SEMA4D: variants seen among roughly 807,000 people sequenced by gnomAD.
SEMA4D encodes semaphorin-4D.
A neutral mutation model predicts 74.8 loss-of-function variants in SEMA4D; 22 were observed. The ratio of observed to expected loss-of-function variants is 0.29; its 90% confidence interval spans 0.21 to 0.42. SEMA4D has a LOEUF of 0.42. SEMA4D is among the 10% of genes least tolerant of loss of function. SEMA4D has a pLI of 1.00. For synonymous variants in SEMA4D, 445 were observed against 463.7 expected (o/e 0.96, Z 0.52); for missense variants, 937 against 1,118.4 (o/e 0.84, Z 2.31).
rs1046914502 is a variant in SEMA4D, at chr9:89,382,769, C to T, written c.1447-1423G>A. ...AGGGACAGCTGGTCCTGTTGGGTCC[C>T]GCGGGGGGCACCTGCGAGGTGGCGT... is the stretch of plus-strand genomic sequence containing the variant. On this transcript the variant is annotated intron_variant, in intron 13 of 15. Transcript: ENST00000422704. 5.9e-5 allele frequency among the ~76,000 whole-genome samples: 9 copies of T among 152,310 alleles called. No homozygotes were observed. In the South Asian group the frequency reaches 8.3e-4, roughly 14 times the overall value.
intron 16 of SEMA4D, among the ~76,000 whole-genome samples, chr9:89,371,986 G>T (rs201853387): frequency 5.1e-4 from 27 of 52,854 alleles, no homozygotes; most frequent in African/African-American, 2.2e-3. Context: ...GTGTGTCTGG[G>T]GTGTGGTGTG....
At chr9:89,482,004 C>T (rs1824748654) in intron 1 of SEMA4D, among the ~76,000 whole-genome samples, 1 of 152,254 alleles carries the variant, frequency 6.6e-6, no homozygotes, top group Admixed American at 6.5e-5. Context: ...TGTCGATGAC[C>T]TTCCCTTGAC....
intron 16 of SEMA4D, among the ~76,000 whole-genome samples, chr9:89,366,334 TATAAC>T (rs1158736546): frequency 5.9e-5 from 9 of 152,148 alleles, no homozygotes; most frequent in South Asian, 2.1e-4. Flanking sequence ...TTTCCAAACT[TATAAC>T]AAACAAGCAT....
intron 1 of SEMA4D, among the ~76,000 whole-genome samples, chr9:89,494,104 A>C (rs1825825906): frequency 6.6e-6 from 1 of 152,238 alleles, no homozygotes; most frequent in Admixed American, 6.5e-5. Flanking sequence ...ATCTGTTATT[A>C]AGACGTGTAG....
At chr9:89,465,018 C>A (rs1858312944) in intron 1 of SEMA4D, among the ~76,000 whole-genome samples, 1 of 152,210 alleles carries the variant, frequency 6.6e-6, no homozygotes, top group Non-Finnish European at 1.5e-5. Flanking sequence ...TTACAAAGCA[C>A]TGAGCACACA....
intron 1 of SEMA4D, among the ~76,000 whole-genome samples, chr9:89,491,724 G>T (rs1331359943): frequency 1.3e-5 from 2 of 152,202 alleles, no homozygotes; most frequent in African/African-American, 4.8e-5. Context: ...CCAGCGTTCA[G>T]TCCATGTGGA....
In SEMA4D at chr9:89,378,939, C is replaced by A. The variant is rs767889448; in HGVS notation, c.2354G>T (p.Arg785Leu). The A allele has an allele frequency of 6.2e-7, 1 of 1,614,188 alleles. No homozygotes were observed. Among genetic ancestry groups the A allele is most frequent in the Non-Finnish European group, 8.5e-7 (1 of 1,180,022 alleles). Reference protein sequence around the residue: ...KKKPKSDFCDREQSLKETLVE... With the variant: ...KKKPKSDFCDLEQSLKETLVE... ...TAACGTCTCCTTCAGGCTCTGCTCACGGTCACAGAAATCTGACTTGGGCTT... is the reference window on the plus strand; with the variant it reads ...TAACGTCTCCTTCAGGCTCTGCTCAAGGTCACAGAAATCTGACTTGGGCTT... Residue 785 changes from arginine to leucine, a missense_variant, in exon 16 of 16, where the codon CGT becomes CTT. Arg to Leu is a moderately radical substitution (Grantham distance 102). Transcript: ENST00000422704.
chr9:89,487,970 G>A (rs1364147459), intron 1 of SEMA4D, among the ~76,000 whole-genome samples: 1 of 152,162 alleles, frequency 6.6e-6, no homozygotes. Context: ...ATCCAAGCAG[G>A]CTTGCTGTAG....
chr9:89,409,410 G>A (rs1293141991), intron 2 of SEMA4D, among the ~76,000 whole-genome samples: 1 of 152,096 alleles, frequency 6.6e-6, no homozygotes, highest in Non-Finnish European at 1.5e-5. Flanking sequence ...TACAGATGTC[G>A]GGTGATAAGG....
chr9:89,485,031 A>T (rs13289929), intron 1 of SEMA4D, among the ~76,000 whole-genome samples: 28,587 of 151,586 alleles, frequency 0.19, 2,899 homozygotes, highest in East Asian at 0.32. Flanking sequence ...ACATTTTTCA[A>T]CCTTTTCCTT....
chr9:89,474,251 G>A lies in SEMA4D; in HGVS notation c.-309-18298C>T, dbSNP rs115748575. Among the ~76,000 whole-genome samples, 444 of 152,286 alleles carry A rather than the reference G, an allele frequency of 2.9e-3. 2 individuals carry two copies. Among genetic ancestry groups the A allele is most frequent in the African/African-American group, 9.8e-3 (409 of 41,550 alleles). ...TAAACCCCGAAGATAAACACAGCCT[G>A]ACTCATTTACCCAGCCCTGTGCATC... On this transcript the variant is annotated intron_variant, in intron 1 of 15. Coordinates refer to ENST00000422704, the MANE Select transcript of SEMA4D (RefSeq NM_001371194.2).
intron 2 of SEMA4D, among the ~76,000 whole-genome samples, chr9:89,432,271 C>A (rs890571833): frequency 6.6e-6 from 1 of 152,218 alleles, no homozygotes; most frequent in Non-Finnish European, 1.5e-5. Flanking sequence ...TATAAGTGTA[C>A]TACCACAGAA....
In SEMA4D at chr9:89,484,988, T is replaced by TTGTGTGTGTG. The variant is rs111818272; in HGVS notation, c.-310+12921_-310+12930dup. Among the ~76,000 whole-genome samples the TTGTGTGTGTG allele has an allele frequency of 6.7e-6, 1 of 149,724 alleles. No individual in the cohort carries two copies. Among genetic ancestry groups the TTGTGTGTGTG allele is most frequent in the African/African-American group, 2.5e-5 (1 of 40,604 alleles). ...GGTGGAGGCATATGTGTGTAGTATG[T>TTGTGTGTGTG]TGTGTGTGTGTGTGTGTGTGTGTTC... is the stretch of plus-strand genomic sequence containing the variant. On this transcript the variant is annotated intron_variant, in intron 1 of 15. Coordinates refer to ENST00000422704, the MANE Select transcript of SEMA4D (RefSeq NM_001371194.2). This position sits in a 1 kb window ranked among gnomAD's most constrained non-coding sequence, Gnocchi z 4.1.
At chr9:89,406,399 G>A (rs1843335726) in intron 2 of SEMA4D, among the ~76,000 whole-genome samples, 1 of 152,204 alleles carries the variant, frequency 6.6e-6, no homozygotes, top group Non-Finnish European at 1.5e-5. Context: ...ACAGCCCTTA[G>A]TAAAAGAACA....
chr9:89,404,115 G>A (rs1295541104), intron 3 of SEMA4D, among the ~76,000 whole-genome samples: 1 of 152,110 alleles, frequency 6.6e-6, no homozygotes, highest in East Asian at 1.9e-4. Flanking sequence ...AATCCACTGA[G>A]TCAGAAACCC....
chr9:89,365,935 G>C (rs540098906), intron 16 of SEMA4D, among the ~76,000 whole-genome samples: 1 of 152,272 alleles, frequency 6.6e-6, no homozygotes, highest in African/African-American at 2.4e-5. Context: ...CCGGTCTCTT[G>C]GTCAACAATT....
intron 2 of SEMA4D, among the ~76,000 whole-genome samples, chr9:89,433,554 A>G (rs1849737298): frequency 6.6e-6 from 1 of 152,196 alleles, no homozygotes; most frequent in Non-Finnish European, 1.5e-5. Context: ...GACTGTGCAC[A>G]GGCACAGTAG....
At chr9:89,411,283 C>T (rs571114389) in intron 2 of SEMA4D, among the ~76,000 whole-genome samples, 2 of 152,162 alleles carry the variant, frequency 1.3e-5, no homozygotes, top group East Asian at 3.9e-4. Context: ...CAAGAGTGAC[C>T]CATGAATGGA....
intron 2 of SEMA4D, among the ~76,000 whole-genome samples, chr9:89,454,783 G>T (rs1855528682): frequency 6.6e-6 from 1 of 152,168 alleles, no homozygotes. Flanking sequence ...GCCAGCCCAG[G>T]CCACCCTCGG....
Sources: gnomAD v4.1 joint callset for allele counts (sites outside exome capture counted in the v4.1 genomes callset) on GRCh38, gnomAD v4.1.1 for gene constraint, Gnocchi (gnomAD v3.1) non-coding constraint, MANE v1.5 for transcripts, NCBI Gene and HGNC (gene_info 2026-07-23, HGNC 2026-07-21) for gene names.